H2AZ2: variants seen among roughly 807,000 people sequenced by gnomAD.
H2AZ2 encodes histone H2A.V.
A neutral mutation model predicts 15.5 loss-of-function variants in H2AZ2; 5 were observed. The ratio of observed to expected loss-of-function variants is 0.32; its 90% confidence interval spans 0.17 to 0.68. The LOEUF is 0.68. H2AZ2 is among the 30% of genes least tolerant of loss of function. The pLI is 0.72. For synonymous variants in H2AZ2, 44 were observed against 57.4 expected, an observed-to-expected ratio of 0.77 and a Z score of 1.05; for missense variants, 42 against 162.5, an observed-to-expected ratio of 0.26 and a Z score of 4.03.
downstream of H2AZ2, chr7:44,827,100 G>C (rs567329258): frequency 1.3e-5 from 2 of 152,072 alleles, no homozygotes; most frequent in African/African-American, 4.8e-5. Flanking sequence ...AAACATCTGC[G>C]AAAAAAAGTG....
intron 1 of H2AZ2, among the ~76,000 whole-genome samples, chr7:44,844,725 G>GTTGC (rs1793357013): frequency 6.6e-6 from 1 of 152,202 alleles, no homozygotes; most frequent in Non-Finnish European, 1.5e-5. Flanking sequence ...GGCAGTGATG[G>GTTGC]TTGCACACTA....
intron 1 of H2AZ2, among the ~76,000 whole-genome samples, chr7:44,844,928 A>C (rs918535430): frequency 6.6e-6 from 1 of 152,166 alleles, no homozygotes; most frequent in Non-Finnish European, 1.5e-5. Context: ...GGAAATACTA[A>C]AGGTCTGACT....
At chr7:44,846,292 T>C (rs1793403734) in intron 1 of H2AZ2, among the ~76,000 whole-genome samples, 2 of 152,112 alleles carry the variant, frequency 1.3e-5, no homozygotes, top group African/African-American at 4.8e-5. Context: ...ATAAAACATA[T>C]AGCGTATCAC....
At chr7:44,847,696 G>C (rs886553818) in intron 1 of H2AZ2, among the ~76,000 whole-genome samples, 3 of 152,190 alleles carry the variant, frequency 2.0e-5, no homozygotes, top group Admixed American at 1.3e-4. Context: ...CTCCTTCTAA[G>C]ACGGGCGGTG....
At position 44,834,440 on chromosome 7, in the gene H2AZ2, T is replaced by A. The variant is rs1793067997; in HGVS notation, c.*61A>T. ...TTAAAAATTCCACATATCCCCATTATTTCTTCTGTCCCAGTTACAGTACAA... is the reference window on the plus strand; with the variant it reads ...TTAAAAATTCCACATATCCCCATTAATTCTTCTGTCCCAGTTACAGTACAA... On this transcript the variant is annotated 3_prime_UTR_variant, in exon 5 of 5. Coordinates refer to ENST00000308153, the MANE Select transcript of H2AZ2 (RefSeq NM_012412.5). The A allele has an allele frequency of 3.2e-6, 5 of 1,556,450 alleles. No homozygotes were observed. The highest frequency in any genetic ancestry group is 4.4e-6 in the Non-Finnish European group (5 of 1,146,710).
downstream of H2AZ2, among the ~76,000 whole-genome samples, chr7:44,830,628 G>A (rs377757555): frequency 1.5e-4 from 23 of 152,220 alleles, no homozygotes; most frequent in African/African-American, 3.9e-4. Flanking sequence ...TCACTGTGTC[G>A]TACTATCTAA....
At chr7:44,843,626 T>C (rs775360245) in intron 1 of H2AZ2, among the ~76,000 whole-genome samples, 10 of 152,194 alleles carry the variant, frequency 6.6e-5, no homozygotes, top group Admixed American at 5.2e-4. Context: ...TGGTGCGACC[T>C]TGACTCACTG....
In H2AZ2 at chr7:44,835,427, T is replaced by C; in HGVS notation, c.325+102A>G. ...TTAGTATTTATGAAATTAAAGTTTATATGCTTTCTAGTTAACCGATCAAAT... is the reference window on the plus strand; with the variant it reads ...TTAGTATTTATGAAATTAAAGTTTACATGCTTTCTAGTTAACCGATCAAAT... On this transcript the variant is annotated intron_variant, in intron 4 of 4. Coordinates refer to ENST00000308153, the MANE Select transcript of H2AZ2 (RefSeq NM_012412.5). 4.6e-6 allele frequency: 4 copies of C among 873,164 alleles called. No individual in the cohort carries two copies. In the South Asian group the frequency reaches 9.6e-5, roughly 21 times the overall value. The allele number at this position is 873,164 out of a possible 1,614,324, so 54.1% of individuals were successfully genotyped here. A position where few individuals can be genotyped will look rare whatever the true frequency, so the allele number is the denominator to read the frequency against.
chr7:44,843,137 C>CAAAAAA lies in H2AZ2; in HGVS notation c.81+134_81+139dup, dbSNP rs55941046. On this transcript the variant is annotated intron_variant, in intron 2 of 4. Transcript: ENST00000308153. Reference sequence around the variant, plus strand: ...CTGACGACAGAGTGAGACTCTGTCTCAAAAAAAAAAAAAAAAAAAAAAAAA... The same window carrying CAAAAAA: ...CTGACGACAGAGTGAGACTCTGTCTCAAAAAAAAAAAAAAAAAAAAAAAAAAAAAAA... 1.9e-3 allele frequency: 165 copies of CAAAAAA among 86,188 alleles called. 50 individuals are homozygous for CAAAAAA. Among genetic ancestry groups the CAAAAAA allele is most frequent in the African/African-American group, 3.6e-3 (24 of 6,662 alleles). The allele number at this position is 86,188 out of a possible 1,614,324, so 5.3% of individuals were successfully genotyped here. A position where few individuals can be genotyped will look rare whatever the true frequency, so the allele number is the denominator to read the frequency against.
At chr7:44,836,912 C>T (rs578058510) in intron 3 of H2AZ2, among the ~76,000 whole-genome samples, 310 of 151,476 alleles carry the variant, frequency 2.0e-3, no homozygotes, top group Non-Finnish European at 3.5e-3. Flanking sequence ...AGGAGAATGG[C>T]GTGAACCCAG....
rs10260964 is a variant in H2AZ2 at position 44,833,845 on chromosome 7, C to G, written c.*656G>C. ...AGGCTCCACATCTATAATGTGGCAG[C>G]AACAACTTTCTTGGTCAGTAGAGCA... On this transcript the variant is annotated 3_prime_UTR_variant, in exon 5 of 5. Transcript: ENST00000308153. 244,894 of 299,338 alleles carry G rather than the reference C, an allele frequency of 0.82. 104,373 individuals are homozygous for G. The highest frequency in any genetic ancestry group is 0.91 in the Non-Finnish European group (184,039 of 203,060). The allele number at this position is 299,338 out of a possible 1,614,324, so 18.5% of individuals were successfully genotyped here.
At chr7:44,827,817 G>A (rs1200939155), downstream of H2AZ2, 1 of 152,180 alleles carries the variant, frequency 6.6e-6, no homozygotes, top group Non-Finnish European at 1.5e-5. Flanking sequence ...TTGTACAGAT[G>A]TGGCCATGGA....
downstream of H2AZ2, among the ~76,000 whole-genome samples, chr7:44,831,289 T>TGAAAC (rs1792994985): frequency 6.6e-6 from 1 of 152,288 alleles, no homozygotes; most frequent in East Asian, 1.9e-4. Context: ...TGGGTACAAA[T>TGAAAC]GAAACGAGAC....
At chr7:44,846,060 C>CAGAGAGAG (rs1167886736) in intron 1 of H2AZ2, among the ~76,000 whole-genome samples, 36 of 78,192 alleles carry the variant, frequency 4.6e-4, no homozygotes, top group Non-Finnish European at 9.9e-4. Flanking sequence ...CACACACACA[C>CAGAGAGAG]ACAGAGAGAG....
intron 3 of H2AZ2, among the ~76,000 whole-genome samples, chr7:44,837,935 G>C (rs1350721337): frequency 6.6e-6 from 1 of 151,652 alleles, no homozygotes; most frequent in East Asian, 1.9e-4. Flanking sequence ...ATATCTATGT[G>C]GTCTATTTCT....
downstream of H2AZ2, among the ~76,000 whole-genome samples, chr7:44,831,094 G>A (rs896370485): frequency 6.6e-6 from 1 of 152,228 alleles, no homozygotes; most frequent in Non-Finnish European, 1.5e-5. Flanking sequence ...TTGAACCTGG[G>A]AGGTGGAGGT....
At chr7:44,845,197 T>C (rs180774354) in intron 1 of H2AZ2, among the ~76,000 whole-genome samples, 9 of 152,114 alleles carry the variant, frequency 5.9e-5, no homozygotes, top group Non-Finnish European at 1.2e-4. Context: ...CCCAAGATAA[T>C]ATGGAAGAAA....
chr7:44,835,334 C>A lies in H2AZ2; in HGVS notation c.325+195G>T. On this transcript the variant is annotated intron_variant, in intron 4 of 4. Coordinates refer to ENST00000308153, the MANE Select transcript of H2AZ2 (RefSeq NM_012412.5). Reference sequence around the variant, plus strand: ...AAAGAACTGGCTAAAATAAAAATAGCATTACATATGGCTAGAAGGTGAAAT... The same window carrying A: ...AAAGAACTGGCTAAAATAAAAATAGAATTACATATGGCTAGAAGGTGAAAT... 1.6e-5 allele frequency: 7 copies of A among 443,922 alleles called. No individual in the cohort carries two copies. The South Asian group carries it at 2.1e-4, about 14-fold the overall frequency. The allele number at this position is 443,922 out of a possible 1,614,324, so 27.5% of individuals were successfully genotyped here.
At chr7:44,844,670 G>A (rs530430308) in intron 1 of H2AZ2, among the ~76,000 whole-genome samples, 3 of 152,102 alleles carry the variant, frequency 2.0e-5, no homozygotes, top group African/African-American at 7.2e-5. Flanking sequence ...TTGTTGAATG[G>A]GTAGAGTTTC....
Sources: allele counts gnomAD v4.1 joint callset (sites outside exome capture counted in the v4.1 genomes callset), GRCh38; gene constraint gnomAD v4.1.1; transcripts MANE v1.5; gene names NCBI Gene and HGNC (gene_info 2026-07-23, HGNC 2026-07-21).